The following PKHD1 variants were observed in gnomAD, a reference collection of about 807,000 sequenced individuals.
The protein encoded by PKHD1 is PKHD1 ciliary IPT domain containing fibrocystin/polyductin.
PKHD1 carries 291 observed loss-of-function variants against 412.0 expected under a neutral mutation model. That is an observed-to-expected ratio of 0.71 (90% confidence interval 0.64 to 0.78). The LOEUF (loss-of-function observed/expected upper bound fraction) is 0.78, where lower values mean the gene tolerates loss of function less well. Among genes scored for constraint, PKHD1 ranks in the 30% least tolerant of loss-of-function variants. The pLI is 0.00. For missense variants in PKHD1, 4,825 were observed against 4,950.7 expected (o/e 0.97, Z 0.76); for synonymous variants, 1,777 against 1,821.5 (o/e 0.98, Z 0.62).
chr6:51,923,694 C>T (rs748268443), intron 37 of PKHD1, among the ~76,000 whole-genome samples: 18 of 152,120 alleles, frequency 1.2e-4, no homozygotes, highest in Non-Finnish European at 1.8e-4. Flanking sequence ...AGATAAATAA[C>T]GTGTGAAAGA....
chr6:51,853,132 T>C (rs9382037), intron 49 of PKHD1, among the ~76,000 whole-genome samples: 61,167 of 151,952 alleles, frequency 0.4, 13,504 homozygotes, highest in East Asian at 0.85. Context: ...GATTTGCTTA[T>C]CTGGAAAAGA....
intron 35 of PKHD1, among the ~76,000 whole-genome samples, chr6:51,966,146 G>A (rs138471587): frequency 1.3e-5 from 2 of 152,260 alleles, no homozygotes; most frequent in African/African-American, 4.8e-5. Flanking sequence ...GGTTGAGGAT[G>A]CATGCCCATG....
intron 28 of PKHD1, among the ~76,000 whole-genome samples, chr6:52,033,631 A>G (rs959743213): frequency 3.3e-5 from 5 of 151,266 alleles, no homozygotes; most frequent in Non-Finnish European, 4.4e-5. Context: ...ATAAATAATA[A>G]TTTAAATATA....
intron 46 of PKHD1, among the ~76,000 whole-genome samples, chr6:51,882,676 C>T (rs1489553938): frequency 6.6e-6 from 1 of 152,226 alleles, no homozygotes; most frequent in Non-Finnish European, 1.5e-5. Context: ...TTTGCCCCAT[C>T]TGCATCCTTG....
At chr6:51,990,296 C>T (rs943441945) in intron 35 of PKHD1, among the ~76,000 whole-genome samples, 7 of 152,130 alleles carry the variant, frequency 4.6e-5, no homozygotes, top group Non-Finnish European at 2.9e-5. Flanking sequence ...TTTACATAGC[C>T]TGTGGTTACT....
chr6:51,962,962 AAAG>A (rs1792292457), intron 35 of PKHD1, among the ~76,000 whole-genome samples: 1 of 152,046 alleles, frequency 6.6e-6, no homozygotes, highest in South Asian at 2.1e-4. Flanking sequence ...CACCTCCCTA[AAAG>A]ATGTCTAGCA....
At chr6:51,790,538 A>C (rs2151255962) in intron 53 of PKHD1, among the ~76,000 whole-genome samples, 1 of 152,218 alleles carries the variant, frequency 6.6e-6, no homozygotes, top group Admixed American at 6.5e-5. Flanking sequence ...AAGTCAGAGG[A>C]GTTAATGGCA....
rs572972826 is a variant in PKHD1, at chr6:51,985,678, G to A, written c.5751+24631C>T. ...CAGGAGGTGGAGGTTGCAGTGAGCC[G>A]AGATCGTGGCACTGCACTCCAGCCT... On this transcript the variant is annotated intron_variant, in intron 35 of 66. Coordinates refer to ENST00000371117, the MANE Select transcript of PKHD1 (RefSeq NM_138694.4). Among the ~76,000 whole-genome samples, 301 of 152,270 alleles carry A rather than the reference G, an allele frequency of 2.0e-3. 2 individuals carry two copies. Among genetic ancestry groups the A allele is most frequent in the African/African-American group, 6.7e-3 (278 of 41,544 alleles).
At chr6:51,812,428 C>T (rs900781149) in intron 52 of PKHD1, among the ~76,000 whole-genome samples, 8 of 152,134 alleles carry the variant, frequency 5.3e-5, no homozygotes, top group South Asian at 2.1e-4. Flanking sequence ...GCTCAGGCCA[C>T]GATGGGAAGG....
At chr6:51,904,630 G>A (rs751857267) in intron 41 of PKHD1, among the ~76,000 whole-genome samples, 1 of 152,128 alleles carries the variant, frequency 6.6e-6, no homozygotes, top group African/African-American at 2.4e-5. Context: ...GTGTGAGATT[G>A]AGTGCTTTAC....
intron 60 of PKHD1, among the ~76,000 whole-genome samples, chr6:51,709,052 G>C (rs1390358335): frequency 2.0e-5 from 3 of 152,144 alleles, no homozygotes; most frequent in Non-Finnish European, 4.4e-5. Flanking sequence ...TCCTGCCTTA[G>C]ATCATAAGCA....
intron 64 of PKHD1, among the ~76,000 whole-genome samples, chr6:51,635,558 G>A (rs1002027380): frequency 1.3e-5 from 2 of 152,080 alleles, no homozygotes; most frequent in Non-Finnish European, 2.9e-5. Flanking sequence ...GGTCTCAATG[G>A]AGGACCCAGC....
intron 35 of PKHD1, among the ~76,000 whole-genome samples, chr6:51,996,560 C>G (rs1797739409): frequency 1.3e-5 from 2 of 152,176 alleles, no homozygotes; most frequent in Admixed American, 1.3e-4. Flanking sequence ...CTGCGGGCCA[C>G]TGAAGATATG....
At position 51,910,314 on chromosome 6, in the gene PKHD1, C is replaced by T. The variant is rs1010386456; in HGVS notation, c.6491-840G>A. On this transcript the variant is annotated intron_variant, in intron 39 of 66. Coordinates refer to ENST00000371117, the MANE Select transcript of PKHD1 (RefSeq NM_138694.4). ...TTCATGTTAATGATCCAAAGAAGCACCAATAATATAAAACACTGTATCATA... is the reference window on the plus strand; with the variant it reads ...TTCATGTTAATGATCCAAAGAAGCATCAATAATATAAAACACTGTATCATA... Among the ~76,000 whole-genome samples, 4 of 152,138 alleles carry T rather than the reference C, an allele frequency of 2.6e-5. No homozygotes were observed. The East Asian group carries it at 5.8e-4, about 22-fold the overall frequency.
chr6:51,757,821 G>C (rs1276840860), intron 55 of PKHD1, among the ~76,000 whole-genome samples: 2 of 151,874 alleles, frequency 1.3e-5, no homozygotes, highest in Non-Finnish European at 1.5e-5. Context: ...TGGGCAACTA[G>C]AGTGATCCCA....
intron 52 of PKHD1, among the ~76,000 whole-genome samples, chr6:51,822,243 G>A (rs1056644206): frequency 1.6e-4 from 24 of 152,204 alleles, no homozygotes; most frequent in African/African-American, 5.8e-4. Context: ...ATCCAGATGT[G>A]TGAAACTATA....
chr6:51,874,015 T>C (rs565596196), intron 46 of PKHD1, among the ~76,000 whole-genome samples: 1 of 152,126 alleles, frequency 6.6e-6, no homozygotes, highest in East Asian at 1.9e-4. Context: ...GCTAGTATAT[T>C]GAGAAGAAAA....
chr6:51,637,261 C>T (rs903695326), intron 64 of PKHD1, among the ~76,000 whole-genome samples: 4 of 152,292 alleles, frequency 2.6e-5, no homozygotes, highest in South Asian at 4.2e-4. Context: ...CCCTTTAAGA[C>T]ATATCCATTC....
chr6:52,073,399 T>TGGTCCCAGGAAGCC, intron 7 of PKHD1, 64 bp downstream of exon 7: 1 of 983,502 alleles, frequency 1.0e-6, no homozygotes. Flanking sequence ...TCAGGGAAGC[T>TGGTCCCAGGAAGCC]GGTCCCAGGA....
Sources: allele counts gnomAD v4.1 joint callset (sites outside exome capture counted in the v4.1 genomes callset), GRCh38; gene constraint gnomAD v4.1.1; transcripts MANE v1.5; gene names NCBI Gene and HGNC (gene_info 2026-07-23, HGNC 2026-07-21).